The following LAMB4 variants were observed in gnomAD, a reference collection of about 807,000 sequenced individuals.
The protein encoded by LAMB4 is laminin subunit beta 4.
LAMB4 carries 196 observed loss-of-function variants against 199.2 expected under a neutral mutation model. The ratio of observed to expected loss-of-function variants is 0.98; its 90% CI spans 0.88 to 1.11. LAMB4 has a LOEUF of 1.11. Among genes scored for constraint, LAMB4 ranks in the 50% least tolerant of loss-of-function variants. The probability of loss-of-function intolerance (pLI) is 0.00; values close to 1 mark genes in which losing one functional copy is unlikely to be tolerated. For missense variants in LAMB4, 2,080 were observed against 2,171.2 expected (o/e 0.96, Z 0.83); for synonymous variants, 744 against 770.6 (o/e 0.97, Z 0.57).
At chr7:108,064,959 G>A (rs912654879) in intron 21 of LAMB4, among the ~76,000 whole-genome samples, 3 of 149,018 alleles carry the variant, frequency 2.0e-5, no homozygotes, top group Non-Finnish European at 3.0e-5. Flanking sequence ...AGGCTGGAGT[G>A]TAGTGGCATA....
intron 25 of LAMB4, among the ~76,000 whole-genome samples, chr7:108,053,419 C>A (rs960656510): frequency 1.3e-5 from 2 of 152,206 alleles, no homozygotes; most frequent in African/African-American, 4.8e-5. Flanking sequence ...CTGGAGAAGA[C>A]AAGCACGTGA....
intron 17 of LAMB4, among the ~76,000 whole-genome samples, chr7:108,071,124 C>T (rs2036519060): frequency 6.8e-6 from 1 of 146,420 alleles, no homozygotes; most frequent in South Asian, 2.1e-4. Flanking sequence ...TTTAAATGTG[C>T]TCAAGTCTCT....
intron 12 of LAMB4, among the ~76,000 whole-genome samples, chr7:108,094,432 C>G (rs957470005): frequency 2.6e-5 from 4 of 152,146 alleles, no homozygotes; most frequent in Non-Finnish European, 4.4e-5. Flanking sequence ...TCCCCCACCC[C>G]CTCTGCCCCA....
chr7:108,049,291 A>G lies in LAMB4; in HGVS notation c.4122+35T>C, dbSNP rs998410417. 2.4e-5 allele frequency: 29 copies of G among 1,193,164 alleles called. No homozygotes were observed. The East Asian group carries it at 6.9e-4, about 29-fold the overall frequency. The allele number at this position is 1,193,164 out of a possible 1,614,324, so 73.9% of individuals were successfully genotyped here. On this transcript the variant is annotated intron_variant, in intron 27 of 33. Transcript: ENST00000388781. ...GAGGTTCATATACCAAGTAAAAACCACAAATGCTTTGACCTTACCATCATG... is the reference window on the plus strand; with the variant it reads ...GAGGTTCATATACCAAGTAAAAACCGCAAATGCTTTGACCTTACCATCATG...
chr7:108,070,926 G>T (rs1163861526), intron 17 of LAMB4, among the ~76,000 whole-genome samples: 6 of 152,128 alleles, frequency 3.9e-5, no homozygotes, highest in Non-Finnish European at 7.4e-5. Context: ...CAAAAGGCCT[G>T]GAGCTTCCTA....
chr7:108,044,196 A>G (rs752603377), intron 28 of LAMB4: 36 of 233,434 alleles, frequency 1.5e-4, no homozygotes, highest in Non-Finnish European at 2.5e-4. Context: ...GGGCTTTAGC[A>G]TTCTTTAATA....
chr7:108,028,021 C>A (rs1324472692), intron 33 of LAMB4, among the ~76,000 whole-genome samples: 1 of 152,124 alleles, frequency 6.6e-6, no homozygotes, highest in African/African-American at 2.4e-5. Context: ...TGGGGTCAAG[C>A]AGTCCATCTG....
intron 14 of LAMB4, among the ~76,000 whole-genome samples, chr7:108,085,856 T>C (rs2037153955): frequency 6.6e-6 from 1 of 152,078 alleles, no homozygotes; most frequent in Admixed American, 6.6e-5. Context: ...CTCATGATCC[T>C]CCTGTCTTGG....
At chr7:108,034,482 A>G (rs1233272805) in intron 30 of LAMB4, 136 bp from the exon 31 acceptor site, 2 of 698,590 alleles carry the variant, frequency 2.9e-6, no homozygotes, top group Admixed American at 2.8e-5. Context: ...TAAACAAGAG[A>G]AAGTGCTGAA....
Position 108,028,500 on chromosome 7 carries a change from G to T in LAMB4, c.5146+543C>A, listed in dbSNP as rs372059091. 5.5e-3 allele frequency among the ~76,000 whole-genome samples: 659 copies of T among 119,598 alleles called. 15 individuals carry two copies. The highest frequency in any genetic ancestry group is 0.035 in the East Asian group (139 of 3,946). 78.5% of individuals were successfully genotyped at this position (119,598 alleles called of 152,430 possible). On this transcript the variant is annotated intron_variant, in intron 33 of 33. Coordinates refer to ENST00000388781, the MANE Select transcript of LAMB4 (RefSeq NM_007356.3). The stretch of plus-strand genomic sequence containing the variant: ...TTTTTTTTTTTTTTTTTTTTGAGAT[G>T]GAGTCTCACTCTGTCACCCAGGCTG...
chr7:108,103,034 G>A lies in LAMB4; in HGVS notation c.1180+10C>T, dbSNP rs571457555. 2 of 1,560,664 alleles carry A rather than the reference G, an allele frequency of 1.3e-6. No homozygotes were observed. The highest frequency in any genetic ancestry group is 1.7e-6 in the Non-Finnish European group (2 of 1,143,360). ...CAGTGGGTAGGATCCAGGCAGACCC[G>A]GGGACTCACGAATGCACGCGTAGGG... On this transcript the variant is annotated intron_variant, in intron 10 of 33. Coordinates refer to ENST00000388781, the MANE Select transcript of LAMB4 (RefSeq NM_007356.3).
intron 22 of LAMB4, 93 bp downstream of exon 22, chr7:108,063,668 G>T: frequency 1.8e-6 from 2 of 1,125,670 alleles, no homozygotes; most frequent in Non-Finnish European, 2.7e-6. Flanking sequence ...TGCTGGGACT[G>T]GCCTAACTGA....
intron 28 of LAMB4, among the ~76,000 whole-genome samples, chr7:108,047,689 G>A (rs540971233): frequency 6.6e-6 from 1 of 152,072 alleles, no homozygotes; most frequent in Non-Finnish European, 1.5e-5. Flanking sequence ...AGGGTCAACT[G>A]TATACATATA....
At position 108,055,759 on chromosome 7, in the gene LAMB4, G is replaced by A; in HGVS notation, c.3628C>T (p.Leu1210=). ...AANMEDKRET[L]PVCEADFKDL... is the part of the protein sequence containing the mutation. ...TTGAAGTCTGCCTCACAGACAGGCA[G>A]GGTCTCTCTTTTATCTTCCATGTTA... The change falls in exon 25 of 34, where the codon CTG becomes TTG. Residue 1210 remains leucine, a synonymous_variant. Coordinates refer to ENST00000388781, the MANE Select transcript of LAMB4 (RefSeq NM_007356.3). 1.9e-6 allele frequency: 3 copies of A among 1,614,218 alleles called. No homozygotes were observed. The highest frequency in any genetic ancestry group is 2.2e-5 in the South Asian group (2 of 91,080).
chr7:108,040,433 A>T (rs2035381916), intron 29 of LAMB4, among the ~76,000 whole-genome samples: 1 of 152,242 alleles, frequency 6.6e-6, no homozygotes, highest in South Asian at 2.1e-4. Context: ...TGGAACAAAA[A>T]AACAGCCCGA....
At chr7:108,111,068 G>A (rs2038206816) in intron 4 of LAMB4, among the ~76,000 whole-genome samples, 2 of 152,212 alleles carry the variant, frequency 1.3e-5, no homozygotes, top group Admixed American at 1.3e-4. Context: ...TCTTGTGGGG[G>A]TTAAGGAAAA....
At chr7:108,076,449 A>G (rs903991642) in intron 17 of LAMB4, among the ~76,000 whole-genome samples, 1 of 152,206 alleles carries the variant, frequency 6.6e-6, no homozygotes, top group Non-Finnish European at 1.5e-5. Context: ...AGGTGAAAAA[A>G]ATTGGCCTAC....
rs976034539 is a variant in LAMB4 at position 108,055,885 on chromosome 7, C to T, written c.3502G>A (p.Glu1168Lys). Reference protein sequence around the residue: ...CDRCARGHSQEFPTCLQCHLC... With the variant: ...CDRCARGHSQKFPTCLQCHLC... ...TGACATTGAAGACAAGTAGGGAATTCCTGGCTGTGTCCCCGGGCACAGCGA... is the reference window on the plus strand; with the variant it reads ...TGACATTGAAGACAAGTAGGGAATTTCTGGCTGTGTCCCCGGGCACAGCGA... The change falls in exon 25 of 34, where the codon GAA becomes AAA. Residue 1168 changes from glutamate to lysine, a missense_variant. Physicochemically the swap from Glu to Lys is moderately conservative, Grantham distance 56 (BLOSUM62 1). Transcript: ENST00000388781. 1 of 1,614,170 alleles carries T rather than the reference C, an allele frequency of 6.2e-7. No homozygotes were observed. The highest frequency in any genetic ancestry group is 8.5e-7 in the Non-Finnish European group (1 of 1,180,026).
intron 33 of LAMB4, 145 bp downstream of exon 33, chr7:108,028,898 A>T (rs977191831): frequency 1.3e-6 from 1 of 748,674 alleles, no homozygotes; most frequent in African/African-American, 1.8e-5. Flanking sequence ...CACAGTCCCC[A>T]AAACACAAGA....
Sources: gnomAD v4.1 joint callset for allele counts (sites outside exome capture counted in the v4.1 genomes callset) on GRCh38, gnomAD v4.1.1 for gene constraint, MANE v1.5 for transcripts, NCBI Gene and HGNC (gene_info 2026-07-23, HGNC 2026-07-21) for gene names.